The following PLCE1 variants were observed in gnomAD, a reference collection of about 807,000 sequenced individuals.
PLCE1 encodes the protein 1-phosphatidylinositol 4,5-bisphosphate phosphodiesterase epsilon-1.
Under a neutral mutation model 242.8 loss-of-function variants are expected in PLCE1, and 119 were observed. That is an observed-to-expected ratio of 0.49 (90% CI 0.42 to 0.57). PLCE1 has a LOEUF of 0.57. Ranked by LOEUF, PLCE1 falls within the 20% of genes least tolerant of loss-of-function variation. The pLI is 0.00. For synonymous variants in PLCE1, 945 were observed against 1,017.4 expected (o/e 0.93, Z 1.35); for missense variants, 2,441 against 2,788.8 (o/e 0.88, Z 2.81).
At chr10:94,041,357 C>T (rs1340248328) in intron 2 of PLCE1, among the ~76,000 whole-genome samples, 1 of 152,138 alleles carries the variant, frequency 6.6e-6, no homozygotes, top group Admixed American at 6.5e-5. Flanking sequence ...TTCTTTTGTG[C>T]AATACCTGTA....
chr10:94,061,656 C>T (rs1407607894), intron 2 of PLCE1, among the ~76,000 whole-genome samples: 2 of 151,638 alleles, frequency 1.3e-5, no homozygotes, highest in African/African-American at 4.9e-5. Flanking sequence ...CAAGACCAGC[C>T]TGGGCAACAC....
In PLCE1 at chr10:94,096,549, G is replaced by T. The variant is rs534353647; in HGVS notation, c.1207-35625G>T. 2.6e-5 allele frequency: 4 copies of T among 152,270 alleles called. No homozygotes were observed. The East Asian group carries it at 7.7e-4, about 29-fold the overall frequency. 9.4% of individuals were successfully genotyped at this position (152,270 alleles called of 1,614,324 possible). A position where few individuals can be genotyped will look rare whatever the true frequency, so the allele number is the denominator to read the frequency against. On this transcript the variant is annotated intron_variant, in intron 2 of 32. Transcript: ENST00000371380. ...TCACTCACTATCATGAGAACAGCAT[G>T]AAGGTGACTGCCCCCGTGATTCAAT...
intron 4 of PLCE1, among the ~76,000 whole-genome samples, chr10:94,185,808 C>T (rs2048459325): frequency 6.6e-6 from 1 of 152,192 alleles, no homozygotes; most frequent in South Asian, 2.1e-4. Flanking sequence ...TGACCAAAGG[C>T]TTCAGAGCTT....
intron 4 of PLCE1, among the ~76,000 whole-genome samples, chr10:94,226,345 C>A (rs1250557618): frequency 6.6e-6 from 1 of 152,146 alleles, no homozygotes; most frequent in Non-Finnish European, 1.5e-5. Flanking sequence ...GGAGAAGACA[C>A]CCTAAGTTCA....
intron 19 of PLCE1, among the ~76,000 whole-genome samples, chr10:94,277,349 A>G (rs774097524): frequency 6.6e-6 from 1 of 152,140 alleles, no homozygotes; most frequent in Non-Finnish European, 1.5e-5. Flanking sequence ...CATCTGACCC[A>G]TACCTCCAAC....
chr10:94,063,848 G>C (rs762995101), intron 2 of PLCE1, among the ~76,000 whole-genome samples: 1 of 152,152 alleles, frequency 6.6e-6, no homozygotes, highest in Non-Finnish European at 1.5e-5. Context: ...GGAGGCAATA[G>C]TAATTAGTTA....
chr10:94,098,166 A>T (rs2045386282), intron 2 of PLCE1, among the ~76,000 whole-genome samples: 1 of 152,232 alleles, frequency 6.6e-6, no homozygotes, highest in Non-Finnish European at 1.5e-5. Flanking sequence ...CTCGTGGAAG[A>T]CAAGTAGTTG....
intron 3 of PLCE1, chr10:94,138,997 G>GT (rs1176000489): frequency 6.5e-6 from 1 of 153,606 alleles, no homozygotes; most frequent in Non-Finnish European, 1.4e-5. Flanking sequence ...CAAACTGCCT[G>GT]TGAGGCCGGG....
chr10:94,293,603 G>T lies in PLCE1; in HGVS notation c.5131G>T (p.Gly1711Trp), dbSNP rs1405270558. Residue 1711 changes from glycine to tryptophan, a missense_variant, in exon 23 of 33, where the codon GGG becomes TGG. Physicochemically the swap from Gly to Trp is radical, Grantham distance 184. Coordinates refer to ENST00000371380, the MANE Select transcript of PLCE1 (RefSeq NM_016341.4). ...CAACAATCCGGGCAGAATGAGCCCA[G>T]GGGAGACAGCATCATTTAACAAAAC... The part of the protein sequence containing the change: ...FGNNPGRMSP[G>W]ETASFNKTSG... 1 of 1,613,808 alleles carries T rather than the reference G, an allele frequency of 6.2e-7. No homozygotes were observed. Among genetic ancestry groups the T allele is most frequent in the Non-Finnish European group, 8.5e-7 (1 of 1,179,884 alleles).
Position 94,293,511 on chromosome 10 carries a change from T to G in PLCE1, c.5039T>G (p.Leu1680Arg), listed in dbSNP as rs757455360. ...TATTTTCATTTTATGGGAACAGGAC[T>G]GTCAACTCTAAATGCATCTGGCTCT... ...IYCQAVKFPGLSTLNASGSSR... is the reference protein window; with the variant it reads ...IYCQAVKFPGRSTLNASGSSR... Residue 1680 changes from leucine to arginine, a missense_variant, in exon 23 of 33, where the codon CTG becomes CGG. By Grantham distance (102) the Leu-to-Arg change is moderately radical. This residue lies in a region of PLCE1 where 1,004 missense variants were observed against 1,322.7 expected (regional missense o/e 0.76). Transcript: ENST00000371380. 1.9e-6 allele frequency: 3 copies of G among 1,613,476 alleles called. No homozygotes were observed. The highest frequency in any genetic ancestry group is 1.7e-6 in the Non-Finnish European group (2 of 1,179,594).
chr10:94,316,049 A>G (rs1338033143), intron 28 of PLCE1, among the ~76,000 whole-genome samples: 1 of 152,170 alleles, frequency 6.6e-6, no homozygotes, highest in Non-Finnish European at 1.5e-5. Flanking sequence ...GCCAACAAAG[A>G]AAACAAGCCC....
intron 20 of PLCE1, among the ~76,000 whole-genome samples, chr10:94,281,027 A>G (rs2052191828): frequency 6.6e-6 from 1 of 152,252 alleles, no homozygotes; most frequent in Admixed American, 6.5e-5. Context: ...CCATGAGCTA[A>G]TATGAGAGAC....
In PLCE1 at chr10:93,998,475, G is replaced by A. The variant is rs566374077; in HGVS notation, c.-365+4217G>A. Among the ~76,000 whole-genome samples the A allele has an allele frequency of 2.5e-4, 38 of 152,216 alleles. No homozygotes were observed. The East Asian group carries it at 6.4e-3, about 26-fold the overall frequency. ...GGTATAGAGCCTGGACACTCTATTC[G>A]TAAATACAAGATTCTCTAGAATCAA... is the stretch of plus-strand genomic sequence containing the variant. On this transcript the variant is annotated intron_variant, in intron 1 of 32. Transcript: ENST00000371380.
chr10:94,263,412 A>G (rs148218367), intron 14 of PLCE1, among the ~76,000 whole-genome samples: 3,010 of 150,424 alleles, frequency 0.02, 92 homozygotes, highest in African/African-American at 0.068. Flanking sequence ...TACCTGGGAG[A>G]GTGGAGCAGG....
intron 24 of PLCE1, among the ~76,000 whole-genome samples, chr10:94,301,796 G>A (rs2053047769): frequency 6.6e-6 from 1 of 152,250 alleles, no homozygotes; most frequent in East Asian, 1.9e-4. Flanking sequence ...TGCATCTGAG[G>A]CAGAACAATA....
At chr10:94,230,456 C>G (rs1470996920) in intron 5 of PLCE1, among the ~76,000 whole-genome samples, 1 of 151,920 alleles carries the variant, frequency 6.6e-6, no homozygotes, top group Non-Finnish European at 1.5e-5. Flanking sequence ...TCCCAAGTAG[C>G]TGGGATTACA....
intron 2 of PLCE1, among the ~76,000 whole-genome samples, chr10:94,130,316 G>A (rs2046559666): frequency 6.6e-6 from 1 of 152,180 alleles, no homozygotes; most frequent in African/African-American, 2.4e-5. Flanking sequence ...TTCATAGATT[G>A]TGGTCTATAG....
At chr10:94,110,275 G>C (rs2045913756) in intron 2 of PLCE1, among the ~76,000 whole-genome samples, 1 of 151,756 alleles carries the variant, frequency 6.6e-6, no homozygotes, top group Non-Finnish European at 1.5e-5. Context: ...TGTTAGCCAG[G>C]ATGGTCTCGA....
At chr10:94,149,702 T>C (rs2047215397) in intron 3 of PLCE1, among the ~76,000 whole-genome samples, 1 of 152,184 alleles carries the variant, frequency 6.6e-6, no homozygotes, top group Non-Finnish European at 1.5e-5. Context: ...CAAGGTCAAC[T>C]TTAAAATCTC....
Sources: allele counts gnomAD v4.1 joint callset (sites outside exome capture counted in the v4.1 genomes callset), GRCh38; gene constraint gnomAD v4.1.1; regional missense constraint gnomAD v4.1.1; transcripts MANE v1.5; gene names NCBI Gene and HGNC (gene_info 2026-07-23, HGNC 2026-07-21).